PLCL2: variants seen among roughly 807,000 people sequenced by gnomAD.
The protein encoded by PLCL2 is inactive phospholipase C-like protein 2.
Under a neutral mutation model 79.6 loss-of-function variants are expected in PLCL2, and 4 were observed. That is an observed-to-expected ratio of 0.05 (90% CI 0.02 to 0.11). PLCL2 has a LOEUF of 0.11. Among genes scored for constraint, PLCL2 ranks in the 10% least tolerant of loss-of-function variants. The pLI is 1.00. For synonymous variants in PLCL2, 484 were observed against 457.7 expected (o/e 1.06, Z -0.73); for missense variants, 895 against 1,291.0 (o/e 0.69, Z 4.70).
At chr3:17,073,725 A>G (rs1394185637) in intron 5 of PLCL2, among the ~76,000 whole-genome samples, 1 of 152,248 alleles carries the variant, frequency 6.6e-6, no homozygotes, top group Non-Finnish European at 1.5e-5. Flanking sequence ...CAATGTTCAC[A>G]GCATCTTCAC....
intron 5 of PLCL2, among the ~76,000 whole-genome samples, chr3:17,084,261 T>A (rs2065193421): frequency 1.3e-5 from 2 of 152,146 alleles, no homozygotes; most frequent in Admixed American, 6.5e-5. Flanking sequence ...TCTGAATAAT[T>A]CTATATCTAT....
intron 1 of PLCL2, among the ~76,000 whole-genome samples, chr3:16,959,279 C>T (rs150632887): frequency 1.2e-4 from 18 of 152,282 alleles, no homozygotes; most frequent in Admixed American, 6.5e-4. Flanking sequence ...GTCCACGCTC[C>T]TATCTCTGCG....
Position 17,042,922 on chromosome 3 carries a change from G to A in PLCL2, c.3067G>A (p.Glu1023Lys), listed in dbSNP as rs866664577. Residue 1023 changes from glutamate to lysine, a missense_variant, in exon 4 of 6, where the codon GAA becomes AAA. Coordinates refer to ENST00000615277, the MANE Select transcript of PLCL2 (RefSeq NM_001144382.2). ...GATTGAAAATGCAGATGCTGTATAT[G>A]AAAAGATCGTACATTGTCAGAAGGC... ...ALIENADAVY[E>K]KIVHCQKAAM... The A allele has an allele frequency of 6.2e-7, 1 of 1,611,930 alleles. No homozygotes were observed. The highest frequency in any genetic ancestry group is 1.3e-5 in the African/African-American group (1 of 74,852).
At chr3:16,899,082 A>T (rs1289379697) in intron 1 of PLCL2, among the ~76,000 whole-genome samples, 1 of 152,254 alleles carries the variant, frequency 6.6e-6, no homozygotes, top group African/African-American at 2.4e-5. Flanking sequence ...GGAAAGGTAC[A>T]GTAAGCTGCA....
At chr3:17,002,591 G>GGT (rs149587178) in intron 1 of PLCL2, among the ~76,000 whole-genome samples, 4 of 151,718 alleles carry the variant, frequency 2.6e-5, no homozygotes, top group East Asian at 1.9e-4. Context: ...GACATATCCA[G>GGT]GTGTGTGTGT....
At chr3:16,955,995 C>T (rs980825342) in intron 1 of PLCL2, among the ~76,000 whole-genome samples, 4 of 152,160 alleles carry the variant, frequency 2.6e-5, no homozygotes, top group African/African-American at 7.2e-5. Flanking sequence ...TTGACTTCCT[C>T]TTTTCCTAAT....
chr3:17,009,110 G>A lies in PLCL2; in HGVS notation c.328-564G>A, dbSNP rs948309365. 2.6e-5 allele frequency among the ~76,000 whole-genome samples: 4 copies of A among 151,618 alleles called. No homozygotes were observed. The highest frequency in any genetic ancestry group is 6.6e-5 in the Admixed American group (1 of 15,222). On this transcript the variant is annotated intron_variant, in intron 1 of 5. Transcript: ENST00000615277. The surrounding 1 kb of genome is among the most constrained non-coding windows in gnomAD (Gnocchi z 4.0). ...AACGATTCTCCTGCCTCAGCCTCCC[G>A]AGTAGGTGGGATTACAGGCACCCGC...
chr3:16,950,717 G>T (rs2063643402), intron 1 of PLCL2, among the ~76,000 whole-genome samples: 1 of 151,818 alleles, frequency 6.6e-6, no homozygotes, highest in African/African-American at 2.4e-5. Context: ...TCTATTTCTA[G>T]CATGTTGGAG....
intron 4 of PLCL2, among the ~76,000 whole-genome samples, chr3:17,058,457 G>C (rs1302289304): frequency 1.3e-5 from 2 of 152,148 alleles, no homozygotes; most frequent in African/African-American, 2.4e-5. Context: ...GAAAGAGATG[G>C]TTTTTGGCTT....
chr3:17,077,638 A>G (rs1273901402), intron 5 of PLCL2, among the ~76,000 whole-genome samples: 3 of 152,192 alleles, frequency 2.0e-5, no homozygotes, highest in Non-Finnish European at 4.4e-5. Flanking sequence ...GTGTCAATTG[A>G]TTGCCATTCC....
At chr3:17,076,143 C>G (rs1249679987) in intron 5 of PLCL2, among the ~76,000 whole-genome samples, 1 of 152,096 alleles carries the variant, frequency 6.6e-6, no homozygotes, top group African/African-American at 2.4e-5. Flanking sequence ...AGCAGTGTTG[C>G]AAGGGTTTTA....
At chr3:16,897,122 G>A (rs1696501312) in intron 1 of PLCL2, among the ~76,000 whole-genome samples, 1 of 152,084 alleles carries the variant, frequency 6.6e-6, no homozygotes, top group Admixed American at 6.5e-5. Context: ...ACCTTAACTT[G>A]CCGCGGTGGA....
intron 4 of PLCL2, among the ~76,000 whole-genome samples, chr3:17,046,146 C>T (rs542101994): frequency 7.9e-5 from 12 of 151,998 alleles, no homozygotes; most frequent in Non-Finnish European, 1.6e-4. Flanking sequence ...TAAGCCCAGG[C>T]GAACACATGC....
At chr3:16,935,903 G>A (rs984046726) in intron 1 of PLCL2, among the ~76,000 whole-genome samples, 1 of 152,168 alleles carries the variant, frequency 6.6e-6, no homozygotes, top group African/African-American at 2.4e-5. Flanking sequence ...ATTGCCAATG[G>A]TTTATGTAGT....
At chr3:16,993,813 C>T (rs766331641) in intron 1 of PLCL2, among the ~76,000 whole-genome samples, 3 of 152,188 alleles carry the variant, frequency 2.0e-5, no homozygotes, top group Non-Finnish European at 4.4e-5. Context: ...CTCAAAACTA[C>T]TACGCAGTGT....
At chr3:16,902,795 C>T (rs1002708368) in intron 1 of PLCL2, among the ~76,000 whole-genome samples, 14 of 149,402 alleles carry the variant, frequency 9.4e-5, no homozygotes, top group African/African-American at 3.5e-4. Flanking sequence ...CCACTGCACT[C>T]CAGCCTGGTA....
chr3:17,011,831 T>C lies in PLCL2; in HGVS notation c.2485T>C (p.Phe829Leu). 6.2e-7 allele frequency: 1 copy of C among 1,614,216 alleles called. No individual in the cohort carries two copies. The highest frequency in any genetic ancestry group is 1.3e-5 in the African/African-American group (1 of 75,074). ...CCTGCCTGAACTGGCCATGGTGCGCTTTGTAGTGCTGGATGATGACTACAT... is the reference window on the plus strand; with the variant it reads ...CCTGCCTGAACTGGCCATGGTGCGCCTTGTAGTGCTGGATGATGACTACAT... ...INLPELAMVRFVVLDDDYIGD... is the reference protein window; with the variant it reads ...INLPELAMVRLVVLDDDYIGD... The change falls in exon 2 of 6, where the codon TTT becomes CTT. Residue 829 changes from phenylalanine (F) to leucine (L), a missense_variant. Transcript: ENST00000615277. The surrounding 1 kb of genome is among the most constrained non-coding windows in gnomAD (Gnocchi z 7.9).
chr3:16,937,423 G>A (rs1392243938), intron 1 of PLCL2, among the ~76,000 whole-genome samples: 1 of 152,164 alleles, frequency 6.6e-6, no homozygotes, highest in Non-Finnish European at 1.5e-5. Context: ...GTTGAGTTCA[G>A]GCAAAGGGTA....
In PLCL2 at chr3:17,039,931, G is replaced by A. The variant is rs1232005253; in HGVS notation, c.3019-2943G>A. ...TAAGCCACAAGTGGATCCTTCTGTG[G>A]CTGTCAACATGGATACCATTACACT... On this transcript the variant is annotated intron_variant, in intron 3 of 5. Coordinates refer to ENST00000615277, the MANE Select transcript of PLCL2 (RefSeq NM_001144382.2). Among the ~76,000 whole-genome samples the A allele has an allele frequency of 2.0e-5, 3 of 152,256 alleles. No homozygotes were observed. The East Asian group carries it at 5.8e-4, about 29-fold the overall frequency.
Sources: allele counts gnomAD v4.1 joint callset (sites outside exome capture counted in the v4.1 genomes callset), GRCh38; gene constraint gnomAD v4.1.1; non-coding constraint Gnocchi (gnomAD v3.1); transcripts MANE v1.5; gene names NCBI Gene and HGNC (gene_info 2026-07-23, HGNC 2026-07-21).